Variants in EXOC2 observed in about 807,000 individuals in gnomAD.
EXOC2 encodes exocyst complex component 2, also known as SEC5-like 1.
A neutral mutation model predicts 131.8 loss-of-function variants in EXOC2; 70 were observed. The observed-to-expected ratio is 0.53, with a 90% CI of 0.44 to 0.65. The LOEUF is 0.65. EXOC2 is among the 30% of genes least tolerant of loss of function. The probability of loss-of-function intolerance (pLI) is 0.00; values close to 1 mark genes in which losing one functional copy is unlikely to be tolerated. For synonymous variants in EXOC2, 411 were observed against 398.4 expected, an observed-to-expected ratio of 1.03 and a Z score of -0.38; for missense variants, 923 against 1,108.6, an observed-to-expected ratio of 0.83 and a Z score of 2.38.
At chr6:685,347 G>C (rs2127808236) in intron 1 of EXOC2, among the ~76,000 whole-genome samples, 1 of 152,242 alleles carries the variant, frequency 6.6e-6, no homozygotes, top group South Asian at 2.1e-4. Context: ...CCAACTCTCA[G>C]GGCACCATAA....
chr6:568,582 T>C (rs1758103108), intron 13 of EXOC2, among the ~76,000 whole-genome samples: 1 of 152,172 alleles, frequency 6.6e-6, no homozygotes, highest in African/African-American at 2.4e-5. Flanking sequence ...CTATTGGTTC[T>C]ATTGCCCTGG....
chr6:512,649 A>G (rs903658669), intron 23 of EXOC2, among the ~76,000 whole-genome samples: 3 of 152,208 alleles, frequency 2.0e-5, no homozygotes, highest in African/African-American at 7.2e-5. Context: ...ACAAACATGA[A>G]GATATACAAA....
intron 4 of EXOC2, among the ~76,000 whole-genome samples, chr6:628,710 G>T (rs1440187544): frequency 6.6e-6 from 1 of 152,148 alleles, no homozygotes; most frequent in Non-Finnish European, 1.5e-5. Context: ...GAAAGAGACT[G>T]GCTTTCCAGA....
At chr6:637,207 T>G (rs1003712889) in intron 2 of EXOC2, among the ~76,000 whole-genome samples, 4 of 152,092 alleles carry the variant, frequency 2.6e-5, no homozygotes, top group African/African-American at 9.7e-5. Context: ...CCAGATAGGA[T>G]CCACAGATCA....
chr6:680,092 G>A (rs1363430241), intron 1 of EXOC2, among the ~76,000 whole-genome samples: 1 of 152,018 alleles, frequency 6.6e-6, no homozygotes, highest in Non-Finnish European at 1.5e-5. Context: ...GAACCTCCAA[G>A]TTCCCATCAC....
chr6:691,856 T>G (rs940501995), intron 1 of EXOC2, among the ~76,000 whole-genome samples: 1 of 152,244 alleles, frequency 6.6e-6, no homozygotes, highest in Admixed American at 6.5e-5. Context: ...TTTAATTTAT[T>G]AAGTTTCTAC....
Position 636,843 on chromosome 6 carries a change from T to C in EXOC2, c.118+858A>G, listed in dbSNP as rs192540168. Among the ~76,000 whole-genome samples the C allele has an allele frequency of 1.2e-3, 183 of 152,276 alleles. 1 individual carries two copies. The highest frequency in any genetic ancestry group is 2.1e-3 in the Non-Finnish European group (146 of 68,020). Reference sequence around the variant, plus strand: ...CTGGCCATAAAATTATACTTAAAACTCTCTACCCTGGCTGTCCCTAATACC... The same window carrying C: ...CTGGCCATAAAATTATACTTAAAACCCTCTACCCTGGCTGTCCCTAATACC... On this transcript the variant is annotated intron_variant, in intron 2 of 27. Coordinates refer to ENST00000230449, the MANE Select transcript of EXOC2 (RefSeq NM_018303.6).
At chr6:567,181 G>A (rs910615463) in intron 13 of EXOC2, among the ~76,000 whole-genome samples, 1 of 152,188 alleles carries the variant, frequency 6.6e-6, no homozygotes, top group Non-Finnish European at 1.5e-5. Context: ...CCATGGCCTG[G>A]GATGAAGCCA....
At chr6:516,206 A>C (rs1581347605) in intron 23 of EXOC2, among the ~76,000 whole-genome samples, 1 of 152,334 alleles carries the variant, frequency 6.6e-6, no homozygotes, top group African/African-American at 2.4e-5. Context: ...ATACTAATCA[A>C]GTGGTTTTGT....
intron 22 of EXOC2, among the ~76,000 whole-genome samples, chr6:547,088 G>T (rs142799040): frequency 1.3e-5 from 2 of 152,322 alleles, no homozygotes; most frequent in East Asian, 3.9e-4. Context: ...TGAAGATTAT[G>T]GAGCTGATGA....
chr6:677,928 A>T lies in EXOC2; in HGVS notation c.-44+15091T>A, dbSNP rs1370888162. On this transcript the variant is annotated intron_variant, in intron 1 of 27. Coordinates refer to ENST00000230449, the MANE Select transcript of EXOC2 (RefSeq NM_018303.6). ...AGTTTGCATCAGGGGCTGTGCTTAT[A>T]ATCTCTCACACACACACACACACAC... Among the ~76,000 whole-genome samples, 4 of 104,940 alleles carry T rather than the reference A, an allele frequency of 3.8e-5. No individual in the cohort carries two copies. In the South Asian group the frequency reaches 9.3e-4, roughly 24 times the overall value. 68.8% of individuals were successfully genotyped at this position (104,940 alleles called of 152,430 possible).
At position 502,172 on chromosome 6, in the gene EXOC2, G is replaced by A. The variant is rs1190932350; in HGVS notation, c.2381-2472C>T. ...GTAACATACATACTTACTGAAAATCGAAGCACAATAGTAAGCTGCTATTTT... is the reference window on the plus strand; with the variant it reads ...GTAACATACATACTTACTGAAAATCAAAGCACAATAGTAAGCTGCTATTTT... On this transcript the variant is annotated intron_variant, in intron 23 of 27. Coordinates refer to ENST00000230449, the MANE Select transcript of EXOC2 (RefSeq NM_018303.6). Among the ~76,000 whole-genome samples, 3 of 152,096 alleles carry A rather than the reference G, an allele frequency of 2.0e-5. No individual in the cohort carries two copies. The East Asian group carries it at 5.8e-4, about 29-fold the overall frequency.
chr6:638,009 G>A, intron 1 of EXOC2, 148 bp from the exon 2 acceptor site: 1 of 564,040 alleles, frequency 1.8e-6, no homozygotes, highest in Non-Finnish European at 3.1e-6. Flanking sequence ...TAGCCAATCA[G>A]CCAACATCTA....
intron 21 of EXOC2, among the ~76,000 whole-genome samples, chr6:551,769 GGCT>G (rs1267338537): frequency 4.6e-5 from 7 of 152,190 alleles, no homozygotes; most frequent in Non-Finnish European, 8.8e-5. Flanking sequence ...CAGCCCTTGG[GGCT>G]GCTAAGCATT....
At chr6:499,547 GAA>G in intron 24 of EXOC2, 96 bp downstream of exon 24, 1 of 1,027,850 alleles carries the variant, frequency 9.7e-7, no homozygotes, top group African/African-American at 1.6e-5. Flanking sequence ...CATTCTGAGG[GAA>G]AAAAAAGACC....
At chr6:659,004 A>G (rs1763293329) in intron 1 of EXOC2, among the ~76,000 whole-genome samples, 1 of 152,068 alleles carries the variant, frequency 6.6e-6, no homozygotes, top group Non-Finnish European at 1.5e-5. Flanking sequence ...CACTTATTCA[A>G]ACCATTTTTT....
At chr6:657,055 C>A in intron 1 of EXOC2, 1 of 916,382 alleles carries the variant, frequency 1.1e-6, no homozygotes. Flanking sequence ...CCTCCGGCCC[C>A]CCAGCTAGGC....
At chr6:548,406 T>C (rs1581413810) in intron 22 of EXOC2, among the ~76,000 whole-genome samples, 1 of 152,238 alleles carries the variant, frequency 6.6e-6, no homozygotes, top group South Asian at 2.1e-4. Context: ...AAAGTGGTAC[T>C]AGCATAGTTT....
intron 11 of EXOC2, among the ~76,000 whole-genome samples, chr6:589,824 A>G (rs1213930005): frequency 6.6e-6 from 1 of 152,232 alleles, no homozygotes; most frequent in Non-Finnish European, 1.5e-5. Flanking sequence ...AAAAAGCCCC[A>G]GTGGACGCGT....
Sources: allele counts gnomAD v4.1 joint callset (sites outside exome capture counted in the v4.1 genomes callset), GRCh38; gene constraint gnomAD v4.1.1; transcripts MANE v1.5; gene names NCBI Gene and HGNC (gene_info 2026-07-23, HGNC 2026-07-21).